CTNND2: variants seen among roughly 807,000 people sequenced by gnomAD.
The protein encoded by CTNND2 is catenin delta 2, also known as catenin delta-2.
Under a neutral mutation model 144.4 loss-of-function variants are expected in CTNND2, and 22 were observed. The observed-to-expected ratio is 0.15, with a 90% CI of 0.11 to 0.22. The LOEUF (loss-of-function observed/expected upper bound fraction) is 0.22, where lower values mean the gene tolerates loss of function less well. Among genes scored for constraint, CTNND2 ranks in the 10% least tolerant of loss-of-function variants. The probability of loss-of-function intolerance (pLI) is 1.00; values close to 1 mark genes in which losing one functional copy is unlikely to be tolerated. For synonymous variants in CTNND2, 751 were observed against 695.6 expected (o/e 1.08, Z -1.25); for missense variants, 1,353 against 1,618.8 (o/e 0.84, Z 2.82).
Position 11,199,568 on chromosome 5 carries a change from G to A in CTNND2, c.1855C>T (p.Leu619=). Residue 619 remains leucine (L), a synonymous_variant, in exon 11 of 22, where the codon CTG becomes TTG. Transcript: ENST00000304623. Reference sequence around the variant, plus strand: ...TCATCGTTGGCCTTCCCATACACCAGGTTTCTCAGAGCTCCACAGGCACTA... The same window carrying A: ...TCATCGTTGGCCTTCCCATACACCAAGTTTCTCAGAGCTCCACAGGCACTA... The part of the protein sequence containing the change: ...HRSACGALRN[L]VYGKANDDNK... 1 of 1,614,160 alleles carries A rather than the reference G, an allele frequency of 6.2e-7. No individual in the cohort carries two copies. The highest frequency in any genetic ancestry group is 8.5e-7 in the Non-Finnish European group (1 of 1,180,038).
chr5:11,714,131 T>C (rs1406052349), intron 2 of CTNND2, among the ~76,000 whole-genome samples: 1 of 152,216 alleles, frequency 6.6e-6, no homozygotes, highest in Non-Finnish European at 1.5e-5. Flanking sequence ...TTCTCGTGAT[T>C]GTATCTGAAA....
intron 9 of CTNND2, among the ~76,000 whole-genome samples, chr5:11,256,814 G>T (rs2149944910): frequency 6.6e-6 from 1 of 152,302 alleles, no homozygotes; most frequent in South Asian, 2.1e-4. Context: ...GTACGCCAGG[G>T]TTTCTCAACC....
chr5:11,454,157 C>T (rs575951621), intron 3 of CTNND2, among the ~76,000 whole-genome samples: 26 of 152,322 alleles, frequency 1.7e-4, no homozygotes, highest in African/African-American at 5.8e-4. Flanking sequence ...CGCGGTGGCT[C>T]ACGCCTGTAG....
chr5:11,668,157 G>A (rs1171217583), intron 2 of CTNND2, among the ~76,000 whole-genome samples: 1 of 152,154 alleles, frequency 6.6e-6, no homozygotes, highest in African/African-American at 2.4e-5. Context: ...ATGCTGTTTT[G>A]GTTACTGTAG....
chr5:11,752,645 T>C (rs1156311246), intron 1 of CTNND2, among the ~76,000 whole-genome samples: 1 of 151,812 alleles, frequency 6.6e-6, no homozygotes, highest in African/African-American at 2.4e-5. Context: ...TTGTTCTTTT[T>C]GCTTAGGATT....
At chr5:11,896,404 T>C (rs558849402) in intron 1 of CTNND2, among the ~76,000 whole-genome samples, 1 of 152,310 alleles carries the variant, frequency 6.6e-6, no homozygotes, top group African/African-American at 2.4e-5. Context: ...CATTTCTGTA[T>C]TTTTGAATTT....
At chr5:11,776,373 T>C (rs760842327) in intron 1 of CTNND2, among the ~76,000 whole-genome samples, 1 of 152,170 alleles carries the variant, frequency 6.6e-6, no homozygotes, top group Non-Finnish European at 1.5e-5. Flanking sequence ...ACAATGCATT[T>C]AAAATAATAT....
At chr5:11,726,923 T>G (rs1056876407) in intron 2 of CTNND2, among the ~76,000 whole-genome samples, 14 of 152,248 alleles carry the variant, frequency 9.2e-5, no homozygotes, top group Middle Eastern at 3.4e-3. Context: ...AGGAAAATAT[T>G]AAGTTTCAGG....
At chr5:11,142,858 C>T (rs931520787) in intron 12 of CTNND2, among the ~76,000 whole-genome samples, 5 of 152,154 alleles carry the variant, frequency 3.3e-5, no homozygotes, top group Non-Finnish European at 4.4e-5. Flanking sequence ...GTGATCCGCC[C>T]GTCTCGGCCT....
chr5:11,372,866 G>T (rs1402898679), intron 7 of CTNND2, among the ~76,000 whole-genome samples: 1 of 152,204 alleles, frequency 6.6e-6, no homozygotes, highest in Admixed American at 6.5e-5. Context: ...GTCTAGCTAT[G>T]AATACATATC....
chr5:11,262,079 G>A (rs376713264), intron 9 of CTNND2, among the ~76,000 whole-genome samples: 30 of 152,058 alleles, frequency 2.0e-4, no homozygotes, highest in African/African-American at 6.8e-4. Context: ...GGCCCCAGGT[G>A]GAGTCACTCA....
chr5:11,893,366 A>T (rs766491875), intron 1 of CTNND2, among the ~76,000 whole-genome samples: 1 of 152,232 alleles, frequency 6.6e-6, no homozygotes, highest in Non-Finnish European at 1.5e-5. Context: ...GGGACAGATT[A>T]TCTAGCGCTG....
intron 1 of CTNND2, among the ~76,000 whole-genome samples, chr5:11,756,073 T>G (rs557365700): frequency 2.0e-5 from 3 of 151,750 alleles, no homozygotes; most frequent in African/African-American, 7.2e-5. Context: ...TAAGCTAGTG[T>G]TCCTTCAAAA....
chr5:11,659,720 C>T (rs926766416), intron 2 of CTNND2, among the ~76,000 whole-genome samples: 1 of 152,104 alleles, frequency 6.6e-6, no homozygotes, highest in African/African-American at 2.4e-5. Flanking sequence ...ATTAGGGCCT[C>T]GTGTTTTAAT....
chr5:11,353,800 T>C (rs1247912609), intron 8 of CTNND2, among the ~76,000 whole-genome samples: 1 of 150,460 alleles, frequency 6.6e-6, no homozygotes, highest in Non-Finnish European at 1.5e-5. Flanking sequence ...CAAGACTCCA[T>C]TTCAAAAAAA....
At chr5:11,054,512 C>A in intron 16 of CTNND2, among the ~76,000 whole-genome samples, 1 of 152,102 alleles carries the variant, frequency 6.6e-6, no homozygotes, top group African/African-American at 2.4e-5. Context: ...GCAGAGGCTC[C>A]CTGCAAGCCC....
chr5:11,218,845 T>TG (rs1228421227), intron 10 of CTNND2, among the ~76,000 whole-genome samples: 1 of 152,150 alleles, frequency 6.6e-6, no homozygotes, highest in Non-Finnish European at 1.5e-5. Flanking sequence ...AAATCCATCT[T>TG]GTTTTCGTTT....
chr5:11,400,558 T>C (rs567606814), intron 5 of CTNND2, among the ~76,000 whole-genome samples: 5 of 152,150 alleles, frequency 3.3e-5, no homozygotes, highest in South Asian at 2.1e-4. Context: ...TCCTCATACA[T>C]TGATGATGCT....
At chr5:11,232,389 C>T (rs1741129667) in intron 10 of CTNND2, among the ~76,000 whole-genome samples, 1 of 152,276 alleles carries the variant, frequency 6.6e-6, no homozygotes, top group South Asian at 2.1e-4. Flanking sequence ...CCTGCAAAGC[C>T]ATAGGGCAGA....
Sources: gnomAD v4.1 joint callset for allele counts (sites outside exome capture counted in the v4.1 genomes callset) on GRCh38, gnomAD v4.1.1 for gene constraint, MANE v1.5 for transcripts, NCBI Gene and HGNC (gene_info 2026-07-23, HGNC 2026-07-21) for gene names.